TDRD5: variants seen among roughly 807,000 people sequenced by gnomAD.
TDRD5 encodes the protein tudor domain containing 5.
TDRD5 carries 41 observed loss-of-function variants against 120.6 expected under a neutral mutation model. The ratio of observed to expected loss-of-function variants is 0.34; its 90% confidence interval spans 0.26 to 0.44. The LOEUF (loss-of-function observed/expected upper bound fraction) is 0.44, where lower values mean the gene tolerates loss of function less well. Ranked by LOEUF, TDRD5 falls within the 20% of genes least tolerant of loss-of-function variation. The pLI, the probability that TDRD5 is intolerant of heterozygous loss-of-function variation, is 1.00. For synonymous variants in TDRD5, 430 were observed against 433.7 expected (o/e 0.99, Z 0.11); for missense variants, 1,006 against 1,221.2 (o/e 0.82, Z 2.63).
intron 11 of TDRD5, among the ~76,000 whole-genome samples, chr1:179,649,876 A>T (rs1678616106): frequency 6.6e-6 from 1 of 152,216 alleles, no homozygotes; most frequent in Admixed American, 6.5e-5. Context: ...TGCTTCTGCC[A>T]GATATCTGGA....
At chr1:179,629,441 CTAAT>C (rs1204461057) in intron 6 of TDRD5, among the ~76,000 whole-genome samples, 2 of 140,888 alleles carry the variant, frequency 1.4e-5, no homozygotes, top group Admixed American at 7.5e-5. Flanking sequence ...GAAAAATACA[CTAAT>C]TGAGTTTTTC....
Position 179,690,749 on chromosome 1 carries a change from A to G in TDRD5, c.2914A>G (p.Ile972Val), listed in dbSNP as rs1681104089. Reference sequence around the variant, plus strand: ...TGAAGATTTTTCTAGCAGCCGTGCTATTACATTGTACAAAGACAAGCGTCA... The same window carrying G: ...TGAAGATTTTTCTAGCAGCCGTGCTGTTACATTGTACAAAGACAAGCGTCA... The part of the protein sequence containing the change: ...KNEDFSSSRA[I>V]TLYKDKRQES... The change falls in exon 18 of 18, where the codon ATT (isoleucine) becomes GTT (valine). Residue 972 changes from isoleucine (I) to valine (V), a missense_variant. Around this residue, in one of 3 missense-constraint regions of TDRD5, gnomAD observed 403 missense variants for 448.1 expected, o/e 0.90. Transcript: ENST00000444136. 3.7e-6 allele frequency: 6 copies of G among 1,614,108 alleles called. No individual in the cohort carries two copies. Among genetic ancestry groups the G allele is most frequent in the Admixed American group, 1.7e-5 (1 of 60,006 alleles).
At chr1:179,678,093 G>A (rs1680231001) in intron 17 of TDRD5, among the ~76,000 whole-genome samples, 2 of 152,058 alleles carry the variant, frequency 1.3e-5, no homozygotes, top group Admixed American at 1.3e-4. Context: ...CTATGGGGGT[G>A]GGGGTGTGGT....
At chr1:179,626,315 C>T (rs555169912) in intron 6 of TDRD5, among the ~76,000 whole-genome samples, 1 of 152,238 alleles carries the variant, frequency 6.6e-6, no homozygotes, top group East Asian at 1.9e-4. Flanking sequence ...CATACAGCAG[C>T]ATACTGTAGA....
chr1:179,684,324 T>C (rs956496169), intron 17 of TDRD5, among the ~76,000 whole-genome samples: 3 of 152,204 alleles, frequency 2.0e-5, no homozygotes, highest in African/African-American at 7.2e-5. Flanking sequence ...TGCAATAGTT[T>C]GCTCAGAATG....
At chr1:179,618,566 C>A (rs754973640) in intron 4 of TDRD5, 33 bp from the exon 5 acceptor site, 11 of 1,537,742 alleles carry the variant, frequency 7.2e-6, no homozygotes, top group Non-Finnish European at 8.8e-6. Context: ...GTCAGGGGGA[C>A]TGTGACTTGA....
chr1:179,671,835 A>G (rs1679869589), intron 17 of TDRD5, among the ~76,000 whole-genome samples: 1 of 152,016 alleles, frequency 6.6e-6, no homozygotes, highest in Admixed American at 6.6e-5. Context: ...AGAACATACG[A>G]TATTTGGTTT....
intron 4 of TDRD5, among the ~76,000 whole-genome samples, chr1:179,613,264 C>A (rs911712441): frequency 3.3e-5 from 5 of 152,052 alleles, no homozygotes; most frequent in African/African-American, 9.7e-5. Context: ...GATATATTAA[C>A]AATTATCAGA....
At chr1:179,597,622 G>A (rs559762788) in intron 4 of TDRD5, among the ~76,000 whole-genome samples, 5 of 152,022 alleles carry the variant, frequency 3.3e-5, no homozygotes, top group African/African-American at 1.2e-4. Flanking sequence ...GAGCCACCAC[G>A]CCTGGCCCAT....
intron 17 of TDRD5, among the ~76,000 whole-genome samples, chr1:179,687,986 T>C (rs550930074): frequency 6.6e-5 from 10 of 152,118 alleles, no homozygotes; most frequent in Non-Finnish European, 1.5e-4. Flanking sequence ...GATGAGTCTT[T>C]ATTCTTTATC....
At chr1:179,672,912 T>C (rs1679930712) in intron 17 of TDRD5, among the ~76,000 whole-genome samples, 1 of 152,146 alleles carries the variant, frequency 6.6e-6, no homozygotes, top group Non-Finnish European at 1.5e-5. Context: ...CTGTAAGTAT[T>C]TGGCTTTGTT....
intron 13 of TDRD5, 103 bp downstream of exon 13, chr1:179,652,300 A>G: frequency 8.6e-7 from 1 of 1,164,782 alleles, no homozygotes; most frequent in Middle Eastern, 3.0e-4. Flanking sequence ...AAAGTTTGGA[A>G]ATTTTGCACA....
chr1:179,650,400 C>CA (rs35053562), intron 11 of TDRD5, among the ~76,000 whole-genome samples: 20,866 of 90,638 alleles, frequency 0.23, 2,250 homozygotes, highest in Non-Finnish European at 0.29. Context: ...GACTCTGTCT[C>CA]AAAAAAAAAA....
At chr1:179,612,891 G>GTGCCA (rs1206212562) in intron 4 of TDRD5, among the ~76,000 whole-genome samples, 1 of 147,182 alleles carries the variant, frequency 6.8e-6, no homozygotes, top group Non-Finnish European at 1.5e-5. Flanking sequence ...AGCCGAGACT[G>GTGCCA]TGCCATTGCA....
chr1:179,593,546 G>A lies in TDRD5; in HGVS notation c.319G>A (p.Gly107Arg). The A allele has an allele frequency of 6.2e-7, 1 of 1,614,188 alleles. No homozygotes were observed. Among genetic ancestry groups the A allele is most frequent in the Non-Finnish European group, 8.5e-7 (1 of 1,180,036 alleles). Reference protein sequence around the residue: ...SHKLRNSMHKGRPSIYSGPRS... With the variant: ...SHKLRNSMHKRRPSIYSGPRS... ...TAAGCTTCGAAACTCAATGCATAAG[G>A]GAAGACCTAGTATTTATTCTGGACC... Residue 107 changes from glycine (G) to arginine (R), a missense_variant, in exon 3 of 18, where the codon GGA becomes AGA. Physicochemically the swap from Gly to Arg is moderately radical, Grantham distance 125. This residue lies in a region of TDRD5 where 445 missense variants were observed against 515.5 expected (regional missense o/e 0.86). Coordinates refer to ENST00000444136, the MANE Select transcript of TDRD5 (RefSeq NM_001199085.3).
rs1209430870 is a variant in TDRD5, at chr1:179,654,182, T to C, written c.2161-19T>C. 1 of 1,490,324 alleles carries C rather than the reference T, an allele frequency of 6.7e-7. No homozygotes were observed. Among genetic ancestry groups the C allele is most frequent in the Admixed American group, 2.3e-5 (1 of 42,684 alleles). 92.3% of individuals were successfully genotyped at this position (1,490,324 alleles called of 1,614,324 possible). On this transcript the variant is annotated intron_variant, in intron 13 of 17. Coordinates refer to ENST00000444136, the MANE Select transcript of TDRD5 (RefSeq NM_001199085.3). ...GCATTAATATTTAAAATAAAGGAAT[T>C]CTCTTTCATATCTACTAGCAAGATA...
chr1:179,658,308 G>C (rs1486498189), intron 14 of TDRD5, among the ~76,000 whole-genome samples: 5 of 152,104 alleles, frequency 3.3e-5, no homozygotes, highest in African/African-American at 1.2e-4. Context: ...TCTGGAAAAG[G>C]TTACATAAAA....
intron 4 of TDRD5, among the ~76,000 whole-genome samples, chr1:179,596,780 C>T (rs1270281569): frequency 1.3e-5 from 2 of 152,182 alleles, no homozygotes; most frequent in African/African-American, 4.8e-5. Flanking sequence ...TCATTATTTG[C>T]ATACATCTTG....
chr1:179,606,585 A>G (rs1247621705), intron 4 of TDRD5, among the ~76,000 whole-genome samples: 3 of 152,116 alleles, frequency 2.0e-5, no homozygotes, highest in African/African-American at 7.2e-5. Context: ...ATTTAGGTCT[A>G]TGATCCATTT....
Sources: allele counts gnomAD v4.1 joint callset (sites outside exome capture counted in the v4.1 genomes callset), GRCh38; gene constraint gnomAD v4.1.1; regional missense constraint gnomAD v4.1.1; transcripts MANE v1.5; gene names NCBI Gene and HGNC (gene_info 2026-07-23, HGNC 2026-07-21).